Variants in RNF217 observed in about 807,000 individuals in gnomAD.
RNF217 encodes ring finger protein 217, also known as E3 ubiquitin-protein ligase RNF217.
RNF217 carries 31 observed loss-of-function variants against 57.8 expected under a neutral mutation model. That is an observed-to-expected ratio of 0.54 (90% confidence interval 0.40 to 0.72). The LOEUF (loss-of-function observed/expected upper bound fraction) is 0.72. Among genes scored for constraint, RNF217 ranks in the 30% least tolerant of loss-of-function variants. RNF217 has a pLI of 0.00. For missense variants in RNF217, 696 were observed against 708.3 expected (o/e 0.98, Z 0.20); for synonymous variants, 313 against 294.0 (o/e 1.06, Z -0.66).
chr6:125,031,713 C>G (rs1340178174), intron 1 of RNF217, among the ~76,000 whole-genome samples: 1 of 152,154 alleles, frequency 6.6e-6, no homozygotes, highest in Non-Finnish European at 1.5e-5. Context: ...CAGCTAGTCT[C>G]TAGGAAGTTC....
Position 125,088,573 on chromosome 6 carries a change from T to C in RNF217, c.*5636T>C, listed in dbSNP as rs1033406493. On this transcript the variant is annotated 3_prime_UTR_variant, in exon 6 of 6. Coordinates refer to ENST00000521654, the MANE Select transcript of RNF217 (RefSeq NM_001286398.3). ...ACAAAATCCCTATACATATTGCCAG[T>C]TTTAAAAGAATGTAATTATGCATGT... is the stretch of plus-strand genomic sequence containing the variant. 1 of 152,152 alleles carries C rather than the reference T, an allele frequency of 6.6e-6. No homozygotes were observed. The highest frequency in any genetic ancestry group is 1.5e-5 in the Non-Finnish European group (1 of 68,032). The allele number at this position is 152,152 out of a possible 1,614,324, so 9.4% of individuals were successfully genotyped here. A position where few individuals can be genotyped will look rare whatever the true frequency, so the allele number is the denominator to read the frequency against.
chr6:125,075,275 T>C (rs1033068025), intron 3 of RNF217, among the ~76,000 whole-genome samples: 5 of 152,188 alleles, frequency 3.3e-5, no homozygotes, highest in African/African-American at 1.2e-4. Context: ...AGTAGTAGAC[T>C]ATTTTTAGGA....
At position 125,083,257 on chromosome 6, in the gene RNF217, G is replaced by T. The variant is rs142988423; in HGVS notation, c.*320G>T. ...CAGTTATCCTAAGAATTCTGAGCAC[G>T]CCTCTTCTGAGAATTGCTTGGACTG... is the stretch of plus-strand genomic sequence containing the variant. On this transcript the variant is annotated 3_prime_UTR_variant, in exon 6 of 6. Transcript: ENST00000521654. 1.0e-5 allele frequency: 2 copies of T among 192,308 alleles called. No individual in the cohort carries two copies. The highest frequency in any genetic ancestry group is 2.1e-5 in the Non-Finnish European group (2 of 95,430). 11.9% of individuals were successfully genotyped at this position (192,308 alleles called of 1,614,324 possible). A position where few individuals can be genotyped will look rare whatever the true frequency, so the allele number is the denominator to read the frequency against.
intron 1 of RNF217, among the ~76,000 whole-genome samples, chr6:124,965,575 A>G (rs1435990989): frequency 2.0e-5 from 3 of 152,156 alleles, no homozygotes; most frequent in Non-Finnish European, 2.9e-5. Flanking sequence ...TCCTCTCAAA[A>G]AAAAAGAAGA....
intron 1 of RNF217, among the ~76,000 whole-genome samples, chr6:124,998,623 C>T (rs373680190): frequency 2.6e-5 from 4 of 152,226 alleles, no homozygotes; most frequent in African/African-American, 9.6e-5. Flanking sequence ...CATGATGAAA[C>T]CCCATCTCTA....
intron 1 of RNF217, chr6:124,971,565 C>G (rs1488310733): frequency 4.0e-6 from 1 of 252,732 alleles, no homozygotes; most frequent in South Asian, 3.6e-5. Flanking sequence ...AAGCGATTCT[C>G]CTGCCTCAGC....
intron 2 of RNF217, among the ~76,000 whole-genome samples, chr6:125,052,294 G>A (rs113456737): frequency 2.2e-5 from 3 of 135,064 alleles, no homozygotes; most frequent in African/African-American, 1.1e-4. Flanking sequence ...TTGTGTGTGT[G>A]TGTGTGTGTG....
chr6:124,989,019 AT>A lies in RNF217; in HGVS notation c.882+25600del, dbSNP rs200014198. 5.0e-3 allele frequency among the ~76,000 whole-genome samples: 755 copies of A among 152,260 alleles called. 10 individuals are homozygous for A. The highest frequency in any genetic ancestry group is 0.028 in the Admixed American group (421 of 15,298). ...AATGCTAATAGTCTTAAACCAGTTT[AT>A]TTTTTTATAAGCATATATCTGCTAC... On this transcript the variant is annotated intron_variant, in intron 1 of 5. Transcript: ENST00000521654.
intron 1 of RNF217, among the ~76,000 whole-genome samples, chr6:125,017,501 A>G (rs1218046793): frequency 2.0e-5 from 3 of 152,344 alleles, no homozygotes; most frequent in African/African-American, 7.2e-5. Flanking sequence ...GCTATACAAA[A>G]CAAGTGTATG....
Position 125,081,429 on chromosome 6 carries a change from T to C in RNF217, c.1484-7T>C. ...CTCCTTAAATAATTTTGCCTTTTGT[T>C]TTCCAGCTGGAAAATTATTCATTGC... is the stretch of plus-strand genomic sequence containing the variant. On this transcript the variant is annotated splice_region_variant and splice_polypyrimidine_tract_variant and intron_variant, in intron 4 of 5. Transcript: ENST00000521654. 6.2e-7 allele frequency: 1 copy of C among 1,610,010 alleles called. No individual in the cohort carries two copies. The highest frequency in any genetic ancestry group is 2.2e-5 in the East Asian group (1 of 44,760).
In RNF217 at chr6:125,091,315, C is replaced by T. The variant is rs1300851280; in HGVS notation, c.*8378C>T. 6.6e-6 allele frequency: 1 copy of T among 151,890 alleles called. No individual in the cohort carries two copies. Among genetic ancestry groups the T allele is most frequent in the East Asian group, 1.9e-4 (1 of 5,194 alleles). The allele number at this position is 151,890 out of a possible 1,614,324, so 9.4% of individuals were successfully genotyped here. A position where few individuals can be genotyped will look rare whatever the true frequency, so the allele number is the denominator to read the frequency against. The stretch of plus-strand genomic sequence containing the variant: ...GTGATGAGTATATAACATTCATATA[C>T]GTTATTAGTGCCTTATTTTTTTCAC... On this transcript the variant is annotated 3_prime_UTR_variant, in exon 6 of 6. Coordinates refer to ENST00000521654, the MANE Select transcript of RNF217 (RefSeq NM_001286398.3).
At chr6:124,994,666 A>G (rs760171708) in intron 1 of RNF217, among the ~76,000 whole-genome samples, 7 of 152,206 alleles carry the variant, frequency 4.6e-5, no homozygotes, top group Non-Finnish European at 8.8e-5. Flanking sequence ...TTTTGTATAT[A>G]TCCTCAAACT....
At chr6:125,049,292 A>AT (rs1321118497) in intron 2 of RNF217, among the ~76,000 whole-genome samples, 4 of 152,030 alleles carry the variant, frequency 2.6e-5, no homozygotes, top group African/African-American at 9.7e-5. Flanking sequence ...GGATTTTATG[A>AT]TATATATGTG....
chr6:124,963,790 A>C (rs923448003), intron 1 of RNF217, among the ~76,000 whole-genome samples: 8 of 152,274 alleles, frequency 5.3e-5, no homozygotes, highest in African/African-American at 1.9e-4. Context: ...CAGTGGGCAT[A>C]GAATAAATAT....
At chr6:125,024,310 C>T (rs1343801650) in intron 1 of RNF217, among the ~76,000 whole-genome samples, 6 of 151,974 alleles carry the variant, frequency 3.9e-5, no homozygotes, top group African/African-American at 7.3e-5. Flanking sequence ...AGGCCAGGCA[C>T]GGTGGCTCAC....
chr6:125,068,178 T>C (rs1279207356), intron 3 of RNF217, among the ~76,000 whole-genome samples: 2 of 152,158 alleles, frequency 1.3e-5, no homozygotes, highest in East Asian at 1.9e-4. Flanking sequence ...GTAGATTTTA[T>C]AGACTGGAAG....
intron 3 of RNF217, among the ~76,000 whole-genome samples, chr6:125,063,234 A>T (rs1787807096): frequency 6.6e-6 from 1 of 152,234 alleles, no homozygotes; most frequent in South Asian, 2.1e-4. Context: ...GTCAAAAATT[A>T]AAAGTGAGAT....
intron 1 of RNF217, among the ~76,000 whole-genome samples, chr6:124,984,061 A>G (rs889851200): frequency 6.6e-6 from 1 of 152,152 alleles, no homozygotes; most frequent in Non-Finnish European, 1.5e-5. Flanking sequence ...CAAAAGCCCC[A>G]CTTCTTAATA....
rs146034634 is a variant in RNF217, at chr6:124,971,930, C to A, written c.882+8504C>A. On this transcript the variant is annotated intron_variant, in intron 1 of 5. Transcript: ENST00000521654. ...TATACTGTTAGTGGGGCCATCTTAC[C>A]CACTCTCATGGTTTCAAGTAACACC... 1.4e-3 allele frequency among the ~76,000 whole-genome samples: 212 copies of A among 152,228 alleles called. 1 individual carries two copies. The highest frequency in any genetic ancestry group is 4.7e-3 in the African/African-American group (194 of 41,560).
Sources: allele counts gnomAD v4.1 joint callset (sites outside exome capture counted in the v4.1 genomes callset), GRCh38; gene constraint gnomAD v4.1.1; transcripts MANE v1.5; gene names NCBI Gene and HGNC (gene_info 2026-07-23, HGNC 2026-07-21).